Variants in DOT1L observed in about 807,000 individuals in gnomAD.
DOT1L encodes histone-lysine N-methyltransferase, H3 lysine-79 specific.
In DOT1L, 33 loss-of-function variants were observed where a neutral mutation model predicts 153.3. That is an observed-to-expected ratio of 0.22 (90% CI 0.16 to 0.29). The LOEUF is 0.29. Ranked by LOEUF, DOT1L falls within the 10% of genes least tolerant of loss-of-function variation. DOT1L has a pLI of 1.00. For missense variants in DOT1L, 1,847 were observed against 2,119.9 expected (o/e 0.87, Z 2.53); for synonymous variants, 1,135 against 965.1 (o/e 1.18, Z -3.26).
At position 2,208,416 on chromosome 19, in the gene DOT1L, G is replaced by A. The variant is rs527908047; in HGVS notation, c.964-519G>A. 1.3e-5 allele frequency among the ~76,000 whole-genome samples: 2 copies of A among 152,196 alleles called. No homozygotes were observed. Among genetic ancestry groups the A allele is most frequent in the South Asian group, 4.1e-4 (2 of 4,822 alleles). On this transcript the variant is annotated intron_variant, in intron 11 of 27. Transcript: ENST00000398665. This position sits in a 1 kb window ranked among gnomAD's most constrained non-coding sequence, Gnocchi z 4.4. ...CCTGGGGAGCGCTGGTGCCGTCTGG[G>A]GACCGACAGCCCCAGGCAGATGCAC...
At chr19:2,229,396 C>T (rs1026400027) in intron 27 of DOT1L, 2 of 985,362 alleles carry the variant, frequency 2.0e-6, no homozygotes, top group Non-Finnish European at 2.4e-6. Context: ...GAGAGGAGGA[C>T]TGGGAGCCAG....
chr19:2,227,934 C>G, intron 27 of DOT1L: 1 of 1,185,398 alleles, frequency 8.4e-7, no homozygotes, highest in Non-Finnish European at 1.1e-6. Flanking sequence ...GCCTCCCCCG[C>G]TGCCCCCGCC....
chr19:2,185,691 C>T (rs1387486520), intron 2 of DOT1L, among the ~76,000 whole-genome samples, 164 bp from the exon 3 acceptor site: 1 of 152,194 alleles, frequency 6.6e-6, no homozygotes, highest in East Asian at 1.9e-4. Flanking sequence ...ATCGCTTGAA[C>T]CCAGGAGGCG....
rs577805020 is a variant in DOT1L, at chr19:2,199,312, G to A, written c.652-572G>A. On this transcript the variant is annotated intron_variant, in intron 7 of 27. Transcript: ENST00000398665. ...CTCAGGGCAGACGCCCCCAGGGACT[G>A]GCGGCTCAGCTTCCCTGTGTGCGTG... is the stretch of plus-strand genomic sequence containing the variant. Among the ~76,000 whole-genome samples, 17 of 152,344 alleles carry A rather than the reference G, an allele frequency of 1.1e-4. No individual in the cohort carries two copies. In the East Asian group the frequency reaches 1.9e-3, roughly 17 times the overall value.
chr19:2,204,631 A>G lies in DOT1L; in HGVS notation c.787+1852A>G, dbSNP rs1053058468. Among the ~76,000 whole-genome samples the G allele has an allele frequency of 6.6e-6, 1 of 152,166 alleles. No individual in the cohort carries two copies. The highest frequency in any genetic ancestry group is 2.4e-5 in the African/African-American group (1 of 41,442). ...CGTGGTGGCTGAGTCAGGGTACTGC[A>G]GTGGCGTCTTCTGTCCGGCCCCTCC... On this transcript the variant is annotated intron_variant, in intron 9 of 27. Coordinates refer to ENST00000398665, the MANE Select transcript of DOT1L (RefSeq NM_032482.3). The surrounding 1 kb of genome is among the most constrained non-coding windows in gnomAD (Gnocchi z 5.7).
intron 22 of DOT1L, among the ~76,000 whole-genome samples, chr19:2,218,285 A>G (rs901728776): frequency 1.3e-5 from 2 of 152,224 alleles, no homozygotes; most frequent in Non-Finnish European, 2.9e-5. Context: ...GTGCATGCAG[A>G]GAATCTCGTC....
chr19:2,225,525 C>A, intron 26 of DOT1L, 73 bp downstream of exon 26: 2 of 1,483,046 alleles, frequency 1.3e-6, no homozygotes, highest in African/African-American at 1.4e-5. Context: ...TGCTGCTGAC[C>A]CACCTGCTGG....
In DOT1L at chr19:2,186,918, A is replaced by C. The variant is rs367574368; in HGVS notation, c.200+989A>C. 3.3e-5 allele frequency among the ~76,000 whole-genome samples: 5 copies of C among 152,312 alleles called. No individual in the cohort carries two copies. In the East Asian group the frequency reaches 5.8e-4, roughly 18 times the overall value. The stretch of plus-strand genomic sequence containing the variant: ...AGTGTGATGCAGCGTGCAGATCAAC[A>C]GCCGCATGGCAGGGTCCACAGGGAG... On this transcript the variant is annotated intron_variant, in intron 3 of 27. Transcript: ENST00000398665.
intron 5 of DOT1L, among the ~76,000 whole-genome samples, chr19:2,192,470 C>G (rs1398082082): frequency 1.3e-5 from 2 of 152,036 alleles, no homozygotes; most frequent in African/African-American, 2.4e-5. Context: ...GTCAGGAGTT[C>G]GAGACCAGCC....
At chr19:2,205,607 G>GT (rs2023461169) in intron 9 of DOT1L, among the ~76,000 whole-genome samples, 1 of 152,194 alleles carries the variant, frequency 6.6e-6, no homozygotes, top group Non-Finnish European at 1.5e-5. Flanking sequence ...TCGCATGACT[G>GT]TTTCCAGTTT....
intron 4 of DOT1L, 152 bp downstream of exon 4, chr19:2,189,947 G>C: frequency 1.1e-6 from 1 of 894,662 alleles, no homozygotes; most frequent in Non-Finnish European, 1.7e-6. Context: ...GGCTGTGGGT[G>C]AGTGGTGTGG....
intron 12 of DOT1L, among the ~76,000 whole-genome samples, chr19:2,210,132 T>C (rs1288372640): frequency 1.3e-5 from 2 of 152,214 alleles, no homozygotes; most frequent in African/African-American, 2.4e-5. Context: ...TGGCTCACAG[T>C]CTGGCTTCTT....
chr19:2,219,550 G>A (rs2024034985), intron 22 of DOT1L, among the ~76,000 whole-genome samples: 1 of 152,206 alleles, frequency 6.6e-6, no homozygotes. Flanking sequence ...TTTGGCGATT[G>A]TGAATCGTTC....
In DOT1L at chr19:2,211,169, G is replaced by T. The variant is rs199760249; in HGVS notation, c.1422G>T (p.Pro474=). The T allele has an allele frequency of 6.2e-7, 1 of 1,612,084 alleles. No homozygotes were observed. Among genetic ancestry groups the T allele is most frequent in the South Asian group, 1.1e-5 (1 of 91,014 alleles). ...PPSVQRHSPN[P]LLVAPTPPAL... ...GCGTGCAGCGGCACTCCCCCAACCC[G>T]CTGCTGGTGGCGCCCACCCCGCCCG... is the stretch of plus-strand genomic sequence containing the variant. The change falls in exon 15 of 28, where the codon CCG becomes CCT. Residue 474 remains proline, a synonymous_variant. Transcript: ENST00000398665.
At chr19:2,180,823 T>C (rs1599545534) in intron 2 of DOT1L, 67 bp downstream of exon 2, 1 of 1,585,286 alleles carries the variant, frequency 6.3e-7, no homozygotes. Context: ...ACCCGTGCCC[T>C]GCAGATTCTG....
Position 2,210,624 on chromosome 19 carries a change from T to C in DOT1L, c.1120T>C (p.Ser374Pro), listed in dbSNP as rs2144830647. The C allele has an allele frequency of 6.2e-7, 1 of 1,612,420 alleles. No homozygotes were observed. The highest frequency in any genetic ancestry group is 2.2e-5 in the East Asian group (1 of 44,854). Residue 374 changes from serine (S) to proline (P), a missense_variant, in exon 14 of 28, where the codon TCT becomes CCT. Around this residue, in one of 8 missense-constraint regions of DOT1L, gnomAD observed 205 missense variants for 203.1 expected, o/e 1.01. Transcript: ENST00000398665. ...VAGPADAPMD[S>P]GAEEEKAGAA... ...GTTCTTCCCTTGTGTCCTCCAGGAC[T>C]CTGGTGCTGAGGAAGAGAAGGCGGG...
intron 2 of DOT1L, among the ~76,000 whole-genome samples, chr19:2,181,694 G>A (rs967543576): frequency 2.0e-5 from 3 of 152,142 alleles, no homozygotes; most frequent in African/African-American, 4.8e-5. Context: ...TGTAAAAGAA[G>A]TCTGGTGTTA....
rs1300728561 is a variant in DOT1L, at chr19:2,220,112, G to A, written c.2696G>A (p.Ser899Asn). Residue 899 changes from serine (S) to asparagine (N), a missense_variant, in exon 23 of 28, where the codon AGC (serine) becomes AAC (asparagine). Physicochemically the swap from Ser to Asn is conservative, Grantham distance 46. Transcript: ENST00000398665. The surrounding 1 kb of genome is among the most constrained non-coding windows in gnomAD (Gnocchi z 4.5). ...VLPSRAERAR[S>N]TPSPVLQPRD... ...CACAGGGTTTTCTCTCTGCAGAGGA[G>A]CACCCCCAGTCCCGTGCTGCAGCCC... The A allele has an allele frequency of 3.1e-6, 5 of 1,605,646 alleles. No homozygotes were observed. Among genetic ancestry groups the A allele is most frequent in the Admixed American group, 1.7e-5 (1 of 59,840 alleles).
chr19:2,217,202 C>T lies in DOT1L; in HGVS notation c.2544+112C>T. On this transcript the variant is annotated intron_variant, in intron 21 of 27. Coordinates refer to ENST00000398665, the MANE Select transcript of DOT1L (RefSeq NM_032482.3). This position sits in a 1 kb window ranked among gnomAD's most constrained non-coding sequence, Gnocchi z 7.3. ...GTTGACCTTGGGGCACGGTGAGGTACTGGGGCTGACCTGGAGTAGGATGTT... is the reference window on the plus strand; with the variant it reads ...GTTGACCTTGGGGCACGGTGAGGTATTGGGGCTGACCTGGAGTAGGATGTT... 1 of 1,391,804 alleles carries T rather than the reference C, an allele frequency of 7.2e-7. No homozygotes were observed. Among genetic ancestry groups the T allele is most frequent in the Non-Finnish European group, 9.4e-7 (1 of 1,058,250 alleles). 86.2% of individuals were successfully genotyped at this position (1,391,804 alleles called of 1,614,324 possible). A position where few individuals can be genotyped will look rare whatever the true frequency, so the allele number is the denominator to read the frequency against.
Sources: gnomAD v4.1 joint callset for allele counts (sites outside exome capture counted in the v4.1 genomes callset) on GRCh38, gnomAD v4.1.1 for gene constraint, gnomAD v4.1.1 regional missense constraint, Gnocchi (gnomAD v3.1) non-coding constraint, MANE v1.5 for transcripts, NCBI Gene and HGNC (gene_info 2026-07-23, HGNC 2026-07-21) for gene names.